Variants in CLUL1 observed in about 807,000 individuals in gnomAD.
CLUL1 encodes clusterin like 1, also known as clusterin-like protein 1.
Under a neutral mutation model 49.4 loss-of-function variants are expected in CLUL1, and 43 were observed. The ratio of observed to expected loss-of-function variants is 0.87; its 90% CI spans 0.68 to 1.12. The LOEUF is 1.12. Among genes scored for constraint, CLUL1 ranks in the 50% most tolerant of loss-of-function variants. The probability of loss-of-function intolerance (pLI) is 0.00; values close to 1 mark genes in which losing one functional copy is unlikely to be tolerated. For missense variants in CLUL1, 486 were observed against 544.4 expected (o/e 0.89, Z 1.07); for synonymous variants, 192 against 184.9 (o/e 1.04, Z -0.31).
Position 618,083 on chromosome 18 carries a change from C to T in CLUL1, c.83C>T (p.Thr28Ile). 2.5e-6 allele frequency: 4 copies of T among 1,613,864 alleles called. No individual in the cohort carries two copies. The highest frequency in any genetic ancestry group is 2.5e-6 in the Non-Finnish European group (3 of 1,179,742). The change falls in exon 3 of 10, where the codon ACT becomes ATT. Residue 28 changes from threonine (T) to isoleucine (I), a missense_variant. Physicochemically the swap from Thr to Ile is moderately conservative, Grantham distance 89. Coordinates refer to ENST00000692774, the MANE Select transcript of CLUL1 (RefSeq NM_001393344.1). This position sits in a 1 kb window ranked among gnomAD's most constrained non-coding sequence, Gnocchi z 4.2. Reference protein sequence around the residue: ...SHCAPTWKDKTAISENLKSFS... With the variant: ...SHCAPTWKDKIAISENLKSFS... ...TGCGCACCCACTTGGAAGGACAAAACTGCTATCAGTGAAAACCTGAAGAGT... is the reference window on the plus strand; with the variant it reads ...TGCGCACCCACTTGGAAGGACAAAATTGCTATCAGTGAAAACCTGAAGAGT...
At chr18:632,651 A>G (rs8093432) in intron 6 of CLUL1, among the ~76,000 whole-genome samples, 33,453 of 152,080 alleles carry the variant, frequency 0.22, 3,782 homozygotes, top group Admixed American at 0.25. Context: ...GCCCTCTCCT[A>G]CCTTATCAAC....
chr18:622,641 G>C (rs560332826), intron 4 of CLUL1, among the ~76,000 whole-genome samples: 2 of 152,318 alleles, frequency 1.3e-5, no homozygotes, highest in East Asian at 3.9e-4. Flanking sequence ...CAAAACTTGG[G>C]ACCTGTGATT....
At position 607,503 on chromosome 18, in the gene CLUL1, G is replaced by T. The variant is rs528150464; in HGVS notation, c.-14+404G>T. ...GGCTGGAGTGTAGTGGTGCAATCACGATTCAGTGCGGCCCTGATCTCCTGG... is the reference window on the plus strand; with the variant it reads ...GGCTGGAGTGTAGTGGTGCAATCACTATTCAGTGCGGCCCTGATCTCCTGG... On this transcript the variant is annotated intron_variant, in intron 2 of 9. Coordinates refer to ENST00000692774, the MANE Select transcript of CLUL1 (RefSeq NM_001393344.1). 4.6e-5 allele frequency among the ~76,000 whole-genome samples: 7 copies of T among 152,256 alleles called. No individual in the cohort carries two copies. The East Asian group carries it at 1.4e-3, about 29-fold the overall frequency.
chr18:635,684 G>C (rs1433066292), intron 7 of CLUL1, among the ~76,000 whole-genome samples: 1 of 148,764 alleles, frequency 6.7e-6, no homozygotes, highest in African/African-American at 2.5e-5. Flanking sequence ...CCCTCCCTTG[G>C]CTTTCTCTCC....
chr18:598,447 G>A (rs2072721724), intron 1 of CLUL1: 1 of 398,076 alleles, frequency 2.5e-6, no homozygotes. Flanking sequence ...TCGACAGCCT[G>A]GAGTCTCTCT....
intron 6 of CLUL1, among the ~76,000 whole-genome samples, chr18:628,535 T>A (rs1388597609): frequency 6.6e-6 from 1 of 152,170 alleles, no homozygotes; most frequent in Non-Finnish European, 1.5e-5. Context: ...AGGATCTGCA[T>A]TTCCTTTGTC....
Position 627,552 on chromosome 18 carries a change from T to G in CLUL1, c.856+23T>G, listed in dbSNP as rs761730978. ...AAGGCAAGTATTAAAAGATTACTTT[T>G]ACTTAGAGGTTTACACTAAAGTCAA... On this transcript the variant is annotated intron_variant, in intron 6 of 9. Transcript: ENST00000692774. The G allele has an allele frequency of 1.2e-5, 19 of 1,536,856 alleles. No individual in the cohort carries two copies. In the African/African-American group the frequency reaches 2.2e-4, roughly 18 times the overall value.
intron 4 of CLUL1, among the ~76,000 whole-genome samples, chr18:623,393 C>T (rs1018293475): frequency 3.4e-4 from 52 of 151,978 alleles, no homozygotes; most frequent in African/African-American, 1.1e-3. Flanking sequence ...GCCTGCAATC[C>T]CAGCACTTTG....
intron 8 of CLUL1, among the ~76,000 whole-genome samples, chr18:642,772 G>T (rs2074380039): frequency 1.3e-5 from 2 of 152,224 alleles, no homozygotes; most frequent in African/African-American, 4.8e-5. Context: ...TGGTGCTGCT[G>T]CTAACTGCTT....
At chr18:636,968 T>G (rs1320595465) in intron 7 of CLUL1, among the ~76,000 whole-genome samples, 1 of 146,672 alleles carries the variant, frequency 6.8e-6, no homozygotes, top group African/African-American at 2.6e-5. Flanking sequence ...GTTCTTTGTT[T>G]TTTTTGTTTT....
In CLUL1 at chr18:641,337, T is replaced by G. The variant is rs751654973; in HGVS notation, c.1005T>G (p.Asp335Glu). The part of the protein sequence containing the change: ...CQAHLSEDCP[D>E]VPALHTELDE... ...TTTCTTCTCTGCTAGACTGTCCTGA[T>G]GTACCTGCTCTGCACACAGAATTAG... Residue 335 changes from aspartate (D) to glutamate (E), a missense_variant, in exon 8 of 10, where the codon GAT becomes GAG. Transcript: ENST00000692774. 5 of 1,614,214 alleles carry G rather than the reference T, an allele frequency of 3.1e-6. No homozygotes were observed. The South Asian group carries it at 4.4e-5, about 14-fold the overall frequency.
rs1491160923 is a variant in CLUL1 at position 625,559 on chromosome 18, A to ACACACC, written c.423+528_423+529insACACCC. ...CACACACACACACACACACACACAC[A>ACACACC]CCCCTTCATGTCCCCTTTTGCCCTA... On this transcript the variant is annotated intron_variant, in intron 5 of 9. Transcript: ENST00000692774. 4.5e-5 allele frequency among the ~76,000 whole-genome samples: 6 copies of ACACACC among 133,092 alleles called. No homozygotes were observed. In the East Asian group the frequency reaches 6.8e-4, roughly 15 times the overall value. The allele number at this position is 133,092 out of a possible 152,430, so 87.3% of individuals were successfully genotyped here. A position where few individuals can be genotyped will look rare whatever the true frequency, so the allele number is the denominator to read the frequency against.
chr18:609,332 C>G (rs2073066706), intron 2 of CLUL1, among the ~76,000 whole-genome samples: 1 of 152,154 alleles, frequency 6.6e-6, no homozygotes, highest in South Asian at 2.1e-4. Flanking sequence ...CTTATTCACA[C>G]AAGAGCACTT....
intron 9 of CLUL1, among the ~76,000 whole-genome samples, chr18:649,333 C>A (rs1021903214): frequency 3.9e-5 from 6 of 152,040 alleles, no homozygotes; most frequent in East Asian, 1.9e-4. Flanking sequence ...TATTTAGAAC[C>A]CTCTTCTGGA....
intron 7 of CLUL1, 85 bp from the exon 8 acceptor site, chr18:641,242 G>A: frequency 1.8e-6 from 2 of 1,084,862 alleles, no homozygotes; most frequent in Non-Finnish European, 2.8e-6. Context: ...AATAGAGAAT[G>A]TAAGGGCTGG....
intron 1 of CLUL1, among the ~76,000 whole-genome samples, chr18:599,729 G>C (rs147905061): frequency 0.03 from 4,559 of 152,076 alleles, 172 homozygotes; most frequent in African/African-American, 0.094. Flanking sequence ...TCAGGAGATT[G>C]AGACCATCCT....
intron 7 of CLUL1, among the ~76,000 whole-genome samples, chr18:637,704 G>A (rs989045729): frequency 3.9e-5 from 6 of 152,174 alleles, no homozygotes; most frequent in African/African-American, 1.4e-4. Flanking sequence ...GCCAGGTGCA[G>A]TTGCTCATGG....
chr18:598,525 A>G (rs1244267456), intron 1 of CLUL1: 1 of 398,514 alleles, frequency 2.5e-6, no homozygotes, highest in African/African-American at 2.1e-5. Context: ...GAGACAATGA[A>G]TTCCATGGAG....
At chr18:601,134 C>G (rs909632614) in intron 1 of CLUL1, among the ~76,000 whole-genome samples, 2 of 152,166 alleles carry the variant, frequency 1.3e-5, no homozygotes, top group Non-Finnish European at 2.9e-5. Context: ...ATGCCACTTT[C>G]TGGAGGTGAT....
Sources: allele counts gnomAD v4.1 joint callset (sites outside exome capture counted in the v4.1 genomes callset), GRCh38; gene constraint gnomAD v4.1.1; non-coding constraint Gnocchi (gnomAD v3.1); transcripts MANE v1.5; gene names NCBI Gene and HGNC (gene_info 2026-07-23, HGNC 2026-07-21).